Variants in ADCY5 observed in about 807,000 individuals in gnomAD.
ADCY5 encodes the protein adenylate cyclase type 5.
In ADCY5, 30 loss-of-function variants were observed where a neutral mutation model predicts 119.7. That is an observed-to-expected ratio of 0.25 (90% CI 0.19 to 0.34). The LOEUF is 0.34. Ranked by LOEUF, ADCY5 falls within the 10% of genes least tolerant of loss-of-function variation. ADCY5 has a pLI of 1.00. For synonymous variants in ADCY5, 753 were observed against 762.2 expected, an observed-to-expected ratio of 0.99 and a Z score of 0.20; for missense variants, 1,324 against 1,775.2, an observed-to-expected ratio of 0.75 and a Z score of 4.57.
At chr3:123,384,333 T>TCCC (rs1944142235) in intron 1 of ADCY5, among the ~76,000 whole-genome samples, 1 of 152,190 alleles carries the variant, frequency 6.6e-6, no homozygotes, top group Non-Finnish European at 1.5e-5. Flanking sequence ...GGGTGAATCT[T>TCCC]CCAACCCAGG....
chr3:123,432,727 A>G (rs1945545907), intron 1 of ADCY5, among the ~76,000 whole-genome samples: 1 of 152,026 alleles, frequency 6.6e-6, no homozygotes, highest in Non-Finnish European at 1.5e-5. Flanking sequence ...GGGACTTGCT[A>G]TGTAGCCCAG....
At chr3:123,435,855 TTATTATTA>T (rs1559878229) in intron 1 of ADCY5, among the ~76,000 whole-genome samples, 11 of 61,356 alleles carry the variant, frequency 1.8e-4, no homozygotes, top group African/African-American at 1.1e-3. Context: ...AGCCCTTTTA[TTATTATTA>T]TTATTATTAT....
chr3:123,321,731 A>G (rs557929333), intron 8 of ADCY5, among the ~76,000 whole-genome samples: 1 of 152,298 alleles, frequency 6.6e-6, no homozygotes, highest in African/African-American at 2.4e-5. Flanking sequence ...TTCATTCCCA[A>G]TGAGGACACG....
intron 1 of ADCY5, among the ~76,000 whole-genome samples, chr3:123,373,188 A>G (rs934666672): frequency 6.6e-6 from 1 of 152,222 alleles, no homozygotes; most frequent in African/African-American, 2.4e-5. Context: ...GGGCACACAA[A>G]TCAAGTAATG....
intron 1 of ADCY5, among the ~76,000 whole-genome samples, chr3:123,377,522 T>C (rs958834956): frequency 6.6e-6 from 1 of 152,202 alleles, no homozygotes; most frequent in Non-Finnish European, 1.5e-5. Flanking sequence ...TCCCTCTGAG[T>C]GCTGTGGTCA....
chr3:123,443,812 C>A lies in ADCY5; in HGVS notation c.1134+3600G>T, dbSNP rs191521568. The stretch of plus-strand genomic sequence containing the variant: ...AGAATCTTCTCCTCAGAAACCATGT[C>A]AGGCAGATTGAATGTGGATGCATAA... On this transcript the variant is annotated intron_variant, in intron 1 of 20. Coordinates refer to ENST00000462833, the MANE Select transcript of ADCY5 (RefSeq NM_183357.3). Among the ~76,000 whole-genome samples the A allele has an allele frequency of 4.3e-3, 652 of 152,286 alleles. 8 individuals are homozygous for A. Among genetic ancestry groups the A allele is most frequent in the Non-Finnish European group, 7.3e-3 (495 of 68,016 alleles).
chr3:123,448,366 C>T lies in ADCY5; in HGVS notation c.180G>A (p.Ala60=), dbSNP rs1413185579. Residue 60 remains alanine, a synonymous_variant, in exon 1 of 21, where the codon GCG becomes GCA. Transcript: ENST00000462833. ...GGCGCTGCTGCTGCTGCGGGGTCAC[C>T]GCCCCCCCGGGTTTCTTGGTGGAGC... is the stretch of plus-strand genomic sequence containing the variant. ...ARGSTKKPGG[A]VTPQQQQRLA... is the part of the protein sequence containing the mutation. The T allele has an allele frequency of 2.7e-6, 4 of 1,495,342 alleles. No homozygotes were observed. Among genetic ancestry groups the T allele is most frequent in the African/African-American group, 1.5e-5 (1 of 68,258 alleles). 92.6% of individuals were successfully genotyped at this position (1,495,342 alleles called of 1,614,324 possible). A position where few individuals can be genotyped will look rare whatever the true frequency, so the allele number is the denominator to read the frequency against.
intron 3 of ADCY5, among the ~76,000 whole-genome samples, chr3:123,332,956 G>A (rs1173993815): frequency 3.3e-5 from 5 of 149,580 alleles, no homozygotes; most frequent in East Asian, 2.0e-4. Context: ...ACAGGGTCTC[G>A]CTATGTTGTC....
chr3:123,385,048 G>T (rs149723691), intron 1 of ADCY5, among the ~76,000 whole-genome samples: 72 of 152,246 alleles, frequency 4.7e-4, no homozygotes, highest in Non-Finnish European at 8.8e-4. Flanking sequence ...ACAGCAGATG[G>T]CTCTGAACAA....
intron 1 of ADCY5, among the ~76,000 whole-genome samples, chr3:123,367,616 G>T (rs560280626): frequency 6.6e-6 from 1 of 152,252 alleles, no homozygotes; most frequent in East Asian, 1.9e-4. Flanking sequence ...ACAGCTGAGG[G>T]TGGTGCCAGC....
intron 15 of ADCY5, among the ~76,000 whole-genome samples, chr3:123,297,676 C>G (rs557689283): frequency 3.1e-4 from 47 of 152,352 alleles, no homozygotes; most frequent in African/African-American, 1.1e-3. Flanking sequence ...GCCTCTCCCC[C>G]TCCCAGGCCT....
chr3:123,361,859 A>G (rs1943260541), intron 1 of ADCY5, among the ~76,000 whole-genome samples: 1 of 152,250 alleles, frequency 6.6e-6, no homozygotes, highest in Admixed American at 6.5e-5. Flanking sequence ...AATTTTGTGC[A>G]TGAAACAAAG....
At chr3:123,348,719 C>T (rs1942694993) in intron 2 of ADCY5, among the ~76,000 whole-genome samples, 2 of 152,170 alleles carry the variant, frequency 1.3e-5, no homozygotes, top group African/African-American at 4.8e-5. Context: ...GTTACGGAGT[C>T]TGGACTATGC....
chr3:123,403,487 C>T (rs909203898), intron 1 of ADCY5, among the ~76,000 whole-genome samples: 5 of 152,022 alleles, frequency 3.3e-5, no homozygotes, highest in Admixed American at 2.0e-4. Flanking sequence ...GTTGCCTGGG[C>T]CTGCTTTCCT....
intron 1 of ADCY5, among the ~76,000 whole-genome samples, chr3:123,424,274 C>A (rs1439202382): frequency 6.6e-6 from 1 of 152,234 alleles, no homozygotes; most frequent in Non-Finnish European, 1.5e-5. Flanking sequence ...CTCTCAGATG[C>A]TGAGACAGAC....
intron 1 of ADCY5, chr3:123,367,813 C>T: frequency 6.7e-7 from 1 of 1,486,192 alleles, no homozygotes; most frequent in Non-Finnish European, 9.0e-7. Flanking sequence ...TTCCATTCCT[C>T]ACCTCTGGGG....
At chr3:123,292,080 A>G (rs1465422157) in intron 17 of ADCY5, among the ~76,000 whole-genome samples, 3 of 152,234 alleles carry the variant, frequency 2.0e-5, no homozygotes, top group Non-Finnish European at 2.9e-5. Flanking sequence ...TCGGGTCAAG[A>G]GGCCAGTAGT....
chr3:123,350,625 G>A (rs1416315037), intron 2 of ADCY5, among the ~76,000 whole-genome samples: 1 of 152,196 alleles, frequency 6.6e-6, no homozygotes, highest in Non-Finnish European at 1.5e-5. Flanking sequence ...CCCCCAGGGA[G>A]CCCCAGCAGC....
intron 1 of ADCY5, among the ~76,000 whole-genome samples, chr3:123,359,156 T>C (rs1943147747): frequency 6.6e-6 from 1 of 151,730 alleles, no homozygotes; most frequent in African/African-American, 2.4e-5. Context: ...CCTTGCAATA[T>C]GGTTCACAGG....
Sources: allele counts gnomAD v4.1 joint callset (sites outside exome capture counted in the v4.1 genomes callset), GRCh38; gene constraint gnomAD v4.1.1; transcripts MANE v1.5; gene names NCBI Gene and HGNC (gene_info 2026-07-23, HGNC 2026-07-21).